The following PDE1A variants were observed in gnomAD, a reference collection of about 807,000 sequenced individuals.
PDE1A encodes the protein dual specificity calcium/calmodulin-dependent 3',5'-cyclic nucleotide phosphodiesterase 1A.
Under a neutral mutation model 61.7 loss-of-function variants are expected in PDE1A, and 35 were observed. The ratio of observed to expected loss-of-function variants is 0.57; its 90% CI spans 0.43 to 0.75. The LOEUF (loss-of-function observed/expected upper bound fraction) is 0.75. Among genes scored for constraint, PDE1A ranks in the 30% least tolerant of loss-of-function variants. The pLI, the probability that PDE1A is intolerant of heterozygous loss-of-function variation, is 0.00. For synonymous variants in PDE1A, 232 were observed against 213.2 expected (o/e 1.09, Z -0.77); for missense variants, 597 against 630.6 (o/e 0.95, Z 0.57).
At chr2:182,237,516 CTATT>C (rs997085328) in intron 3 of PDE1A, among the ~76,000 whole-genome samples, 8 of 152,048 alleles carry the variant, frequency 5.3e-5, no homozygotes, top group Non-Finnish European at 7.4e-5. Context: ...AAAAACAACA[CTATT>C]TATACCAGGC....
At chr2:182,192,906 C>T (rs1685822222) in intron 10 of PDE1A, among the ~76,000 whole-genome samples, 1 of 152,110 alleles carries the variant, frequency 6.6e-6, no homozygotes, top group Admixed American at 6.6e-5. Context: ...AATCCATTGA[C>T]CTAACAGCAC....
intron 13 of PDE1A, among the ~76,000 whole-genome samples, chr2:182,169,049 AT>A (rs1314554928): frequency 7.0e-6 from 1 of 142,618 alleles, no homozygotes; most frequent in Non-Finnish European, 1.5e-5. Context: ...ATATAATGCT[AT>A]TTTTTATAAT....
In PDE1A at chr2:182,186,084, C is replaced by T; in HGVS notation, c.1329-5G>A. 4 of 1,612,018 alleles carry T rather than the reference C, an allele frequency of 2.5e-6. No individual in the cohort carries two copies. Among genetic ancestry groups the T allele is most frequent in the Non-Finnish European group, 3.4e-6 (4 of 1,178,592 alleles). Reference sequence around the variant, plus strand: ...AACCCCACAATGGTGGTTGAGCTAACAGTAACAACCAAAGAAACCAAAAAA... The same window carrying T: ...AACCCCACAATGGTGGTTGAGCTAATAGTAACAACCAAAGAAACCAAAAAA... On this transcript the variant is annotated splice_region_variant and splice_polypyrimidine_tract_variant and intron_variant, in intron 12 of 13. Transcript: ENST00000351439.
chr2:182,543,800 A>C, the PDE1A span, among the ~76,000 whole-genome samples: 1 of 152,188 alleles, frequency 6.6e-6, no homozygotes, highest in East Asian at 1.9e-4. Flanking sequence ...TTATAATTTA[A>C]CTGAAATGCT....
chr2:182,522,762 G>T, upstream of PDE1A: 1 of 703,986 alleles, frequency 1.4e-6, no homozygotes, highest in Non-Finnish European at 1.8e-6. Context: ...GCTCTATTAT[G>T]CACAAGAGAA....
chr2:182,438,636 G>A (rs1383377586), intron 2 of PDE1A, among the ~76,000 whole-genome samples: 2 of 151,834 alleles, frequency 1.3e-5, no homozygotes, highest in Non-Finnish European at 2.9e-5. Context: ...GTCAAAAGAT[G>A]GTAGAAAGTA....
chr2:182,181,125 C>A (rs1684723476), intron 13 of PDE1A, among the ~76,000 whole-genome samples: 1 of 152,034 alleles, frequency 6.6e-6, no homozygotes, highest in Non-Finnish European at 1.5e-5. Context: ...AGTCCTGTGT[C>A]CTTGCTGGAG....
At chr2:182,144,036 C>T (rs2125255483), downstream of PDE1A, among the ~76,000 whole-genome samples, 1 of 152,256 alleles carries the variant, frequency 6.6e-6, no homozygotes, top group East Asian at 1.9e-4. Context: ...CTCACAGGGA[C>T]TGTAGTCAAC....
At chr2:182,419,336 C>CTTTTTTTTT (rs35320184) in intron 1 of PDE1A, among the ~76,000 whole-genome samples, 2 of 132,638 alleles carry the variant, frequency 1.5e-5, no homozygotes, top group African/African-American at 2.8e-5. Context: ...TTTTTCTTTT[C>CTTTTTTTTT]TTTTTTTTTT....
chr2:182,201,647 TGA>T, intron 9 of PDE1A, 39 bp downstream of exon 9: 3 of 569,340 alleles, frequency 5.3e-6, no homozygotes, highest in East Asian at 5.3e-5. Flanking sequence ...AACTTTAACA[TGA>T]CAAAAAAAAA....
the PDE1A span, among the ~76,000 whole-genome samples, chr2:182,627,493 C>G: frequency 1.4e-5 from 2 of 144,672 alleles, no homozygotes; most frequent in Non-Finnish European, 3.0e-5. Flanking sequence ...TTCAAGATTG[C>G]TCCAACAAAT....
the PDE1A span, among the ~76,000 whole-genome samples, chr2:182,665,201 G>A: frequency 2.0e-5 from 3 of 151,988 alleles, no homozygotes; most frequent in South Asian, 6.2e-4. Context: ...AAATGTACAT[G>A]CTTACAAAAA....
intron 1 of PDE1A, among the ~76,000 whole-genome samples, chr2:182,343,617 T>A (rs957460726): frequency 3.3e-5 from 5 of 152,236 alleles, no homozygotes; most frequent in African/African-American, 1.2e-4. Flanking sequence ...TACAGGTCTA[T>A]GTCTTCTAAA....
At chr2:182,545,550 G>A in the PDE1A span, among the ~76,000 whole-genome samples, 1 of 152,128 alleles carries the variant, frequency 6.6e-6, no homozygotes, top group East Asian at 1.9e-4. Context: ...CATGAGATGA[G>A]AAAGCCTGAT....
chr2:182,169,886 C>G (rs1282664718), intron 13 of PDE1A, among the ~76,000 whole-genome samples: 1 of 138,826 alleles, frequency 7.2e-6, no homozygotes, highest in Non-Finnish European at 1.5e-5. Flanking sequence ...ATACAGTGGA[C>G]AGGAGACACA....
At chr2:182,374,595 T>G (rs1478157628) in intron 1 of PDE1A, among the ~76,000 whole-genome samples, 1 of 152,118 alleles carries the variant, frequency 6.6e-6, no homozygotes, top group African/African-American at 2.4e-5. Context: ...GACATAAGTC[T>G]TACATACAGA....
the PDE1A span, among the ~76,000 whole-genome samples, chr2:182,591,032 A>G: frequency 6.6e-6 from 1 of 152,224 alleles, no homozygotes; most frequent in African/African-American, 2.4e-5. Flanking sequence ...AATATACAAA[A>G]CAAATATTTA....
In PDE1A at chr2:182,149,194, T is replaced by C. The variant is rs370652251; in HGVS notation, c.1517-2042A>G. Among the ~76,000 whole-genome samples, 6 of 152,276 alleles carry C rather than the reference T, an allele frequency of 3.9e-5. No homozygotes were observed. In the East Asian group the frequency reaches 7.7e-4, roughly 20 times the overall value. ...GAAAGAAATAGAAGTAATTAACTAA[T>C]TCACTGGTTCTCAAAATTTTTTAGA... On this transcript the variant is annotated intron_variant, in intron 13 of 13. Transcript: ENST00000409365.
chr2:182,586,444 G>T, the PDE1A span, among the ~76,000 whole-genome samples: 2 of 152,088 alleles, frequency 1.3e-5, no homozygotes, highest in Non-Finnish European at 2.9e-5. Flanking sequence ...TCTTAAAACT[G>T]CTTCCAAACC....
Sources: gnomAD v4.1 joint callset for allele counts (sites outside exome capture counted in the v4.1 genomes callset) on GRCh38, gnomAD v4.1.1 for gene constraint, MANE v1.5 for transcripts, NCBI Gene and HGNC (gene_info 2026-07-23, HGNC 2026-07-21) for gene names.